The following UNC93A variants were observed in gnomAD, a reference collection of about 807,000 sequenced individuals.
UNC93A encodes unc-93 homolog A.
In UNC93A, 43 loss-of-function variants were observed where a neutral mutation model predicts 47.5. That is an observed-to-expected ratio of 0.91 (90% CI 0.71 to 1.17). The LOEUF (loss-of-function observed/expected upper bound fraction) is 1.17. Among genes scored for constraint, UNC93A ranks in the 50% most tolerant of loss-of-function variants. UNC93A has a pLI of 0.00. For synonymous variants in UNC93A, 280 were observed against 258.0 expected (o/e 1.09, Z -0.82); for missense variants, 605 against 577.6 (o/e 1.05, Z -0.49).
At chr6:167,301,543 C>A (rs1383664778) in intron 4 of UNC93A, among the ~76,000 whole-genome samples, 1 of 152,180 alleles carries the variant, frequency 6.6e-6, no homozygotes, top group African/African-American at 2.4e-5. Flanking sequence ...AAGAGCCATT[C>A]TCTTTAGAAT....
At chr6:167,298,720 G>A (rs1778158844) in intron 4 of UNC93A, among the ~76,000 whole-genome samples, 1 of 152,198 alleles carries the variant, frequency 6.6e-6, no homozygotes, top group African/African-American at 2.4e-5. Flanking sequence ...TTATGTAATA[G>A]TTTCATATGT....
chr6:167,308,127 AG>A (rs1202111816), intron 7 of UNC93A, among the ~76,000 whole-genome samples: 1 of 152,286 alleles, frequency 6.6e-6, no homozygotes, highest in East Asian at 1.9e-4. Context: ...AAACCACCCA[AG>A]GTTCCTTCTG....
chr6:167,285,932 T>TTTTC (rs1395955938), intron 1 of UNC93A, among the ~76,000 whole-genome samples: 16 of 130,046 alleles, frequency 1.2e-4, no homozygotes, highest in African/African-American at 5.2e-4. Context: ...GAAGAGTTAG[T>TTTTC]TTTCTTTCTC....
intron 3 of UNC93A, among the ~76,000 whole-genome samples, chr6:167,297,336 G>A (rs939948608): frequency 6.6e-6 from 1 of 152,094 alleles, no homozygotes; most frequent in Non-Finnish European, 1.5e-5. Flanking sequence ...TTGTGAAGCT[G>A]TCTGTTATAT....
chr6:167,288,333 T>C (rs1039775674), upstream of UNC93A, among the ~76,000 whole-genome samples: 17 of 152,276 alleles, frequency 1.1e-4, no homozygotes, highest in African/African-American at 4.1e-4. Context: ...GTGGCCTGTC[T>C]AGCCAGGGGA....
At chr6:167,274,970 A>G (rs575197535) in intron 1 of UNC93A, among the ~76,000 whole-genome samples, 3 of 152,236 alleles carry the variant, frequency 2.0e-5, no homozygotes, top group African/African-American at 7.2e-5. Flanking sequence ...TCATACATCA[A>G]CTGGTGTTAC....
intron 4 of UNC93A, among the ~76,000 whole-genome samples, chr6:167,301,017 T>C (rs1238885586): frequency 6.6e-6 from 1 of 152,254 alleles, no homozygotes; most frequent in Non-Finnish European, 1.5e-5. Flanking sequence ...GAAAAAGCCA[T>C]AGACAACATG....
At chr6:167,302,151 C>T (rs1045975399) in intron 4 of UNC93A, among the ~76,000 whole-genome samples, 1 of 152,182 alleles carries the variant, frequency 6.6e-6, no homozygotes, top group Non-Finnish European at 1.5e-5. Context: ...CTTTCTGAGA[C>T]AGGTGCTAGG....
upstream of UNC93A, among the ~76,000 whole-genome samples, chr6:167,270,106 C>T (rs542644127): frequency 2.0e-5 from 3 of 151,468 alleles, no homozygotes; most frequent in South Asian, 6.3e-4. Flanking sequence ...CACCCCACCG[C>T]GTTTATATCT....
chr6:167,282,447 G>C (rs149767987), intron 1 of UNC93A, among the ~76,000 whole-genome samples: 1 of 152,072 alleles, frequency 6.6e-6, no homozygotes, highest in Non-Finnish European at 1.5e-5. Context: ...AAGGTGGGGG[G>C]AGATTTGGGA....
chr6:167,274,612 C>G (rs1413691688), intron 1 of UNC93A, among the ~76,000 whole-genome samples: 1 of 152,180 alleles, frequency 6.6e-6, no homozygotes, highest in Non-Finnish European at 1.5e-5. Context: ...CTATGACACT[C>G]TTAGCTGACT....
At chr6:167,310,977 G>A (rs1778540297) in intron 7 of UNC93A, among the ~76,000 whole-genome samples, 2 of 152,170 alleles carry the variant, frequency 1.3e-5, no homozygotes, top group South Asian at 2.1e-4. Flanking sequence ...TTTTAGTGCC[G>A]CGTTCCTGCA....
Position 167,294,497 on chromosome 6 carries a change from G to A in UNC93A, c.88-20G>A, listed in dbSNP as rs751960757. On this transcript the variant is annotated intron_variant, in intron 1 of 7. Transcript: ENST00000230256. ...CTGTGTCCATCCTGTGCTCTGACAGGGCTGGCTTTGTTCCCACAGAGCAGC... is the reference window on the plus strand; with the variant it reads ...CTGTGTCCATCCTGTGCTCTGACAGAGCTGGCTTTGTTCCCACAGAGCAGC... The A allele has an allele frequency of 6.2e-7, 1 of 1,613,272 alleles. No homozygotes were observed. The highest frequency in any genetic ancestry group is 8.5e-7 in the Non-Finnish European group (1 of 1,179,678).
chr6:167,283,638 C>T (rs1031911986), intron 1 of UNC93A, among the ~76,000 whole-genome samples: 3 of 152,168 alleles, frequency 2.0e-5, no homozygotes, highest in Non-Finnish European at 2.9e-5. Context: ...CTCACTCCCC[C>T]GCGTTGCCTG....
At chr6:167,294,486 T>C (rs377102504) in intron 1 of UNC93A, 31 bp from the exon 2 acceptor site, 4 of 1,612,360 alleles carry the variant, frequency 2.5e-6, no homozygotes, top group African/African-American at 1.3e-5. Context: ...GTCCATCCTG[T>C]GCTCTGACAG....
rs766695113 is a variant in UNC93A, at chr6:167,306,079, C to T, written c.976+29C>T. The T allele has an allele frequency of 1.9e-6, 3 of 1,612,188 alleles. No homozygotes were observed. In the Admixed American group the frequency reaches 5.0e-5, roughly 27 times the overall value. On this transcript the variant is annotated intron_variant, in intron 6 of 7. Transcript: ENST00000230256. ...GGTATCAGCGTGGGTCCCATCCCAG[C>T]TGTCATAACGATTTGCAGTAGCAAA...
intron 4 of UNC93A, among the ~76,000 whole-genome samples, chr6:167,301,975 A>G (rs1187758580): frequency 6.6e-6 from 1 of 152,232 alleles, no homozygotes. Flanking sequence ...CACCTGTGGC[A>G]GCAGGAGTCC....
chr6:167,292,146 A>C (rs1172187433), intron 1 of UNC93A, among the ~76,000 whole-genome samples: 1 of 152,136 alleles, frequency 6.6e-6, no homozygotes, highest in Non-Finnish European at 1.5e-5. Context: ...CTAGACATAG[A>C]CCTGACACAT....
chr6:167,286,903 G>C (rs1292351315), upstream of UNC93A, among the ~76,000 whole-genome samples: 3 of 149,242 alleles, frequency 2.0e-5, no homozygotes, highest in African/African-American at 7.4e-5. Flanking sequence ...GCTTGAACCC[G>C]GGAGGCGGAT....
Sources: gnomAD v4.1 joint callset for allele counts (sites outside exome capture counted in the v4.1 genomes callset) on GRCh38, gnomAD v4.1.1 for gene constraint, MANE v1.5 for transcripts, NCBI Gene and HGNC (gene_info 2026-07-23, HGNC 2026-07-21) for gene names.